Variants in ZSWIM9 observed in about 807,000 individuals in gnomAD.
ZSWIM9 encodes uncharacterized protein ZSWIM9.
ZSWIM9 carries 11 observed loss-of-function variants against 25.0 expected under a neutral mutation model. The observed-to-expected ratio is 0.44, with a 90% CI of 0.28 to 0.73. The LOEUF is 0.73. Ranked by LOEUF, ZSWIM9 falls within the 30% of genes least tolerant of loss-of-function variation. The pLI, the probability that ZSWIM9 is intolerant of heterozygous loss-of-function variation, is 0.16. For synonymous variants in ZSWIM9, 562 were observed against 582.1 expected (o/e 0.97, Z 0.50); for missense variants, 1,070 against 1,296.5 (o/e 0.83, Z 2.68).
intron 1 of ZSWIM9, 68 bp downstream of exon 1, chr19:48,170,782 G>C (rs959423722): frequency 1.3e-4 from 21 of 161,118 alleles, no homozygotes; most frequent in Middle Eastern, 3.0e-3. Flanking sequence ...GTGGGACGGC[G>C]GGGCTGGAAG....
chr19:48,176,574 C>T (rs755714272), intron 2 of ZSWIM9, among the ~76,000 whole-genome samples: 5 of 152,028 alleles, frequency 3.3e-5, no homozygotes, highest in Non-Finnish European at 7.4e-5. Context: ...TCTCTCCTTC[C>T]CTCATCTTTA....
At chr19:48,174,737 C>T (rs10411910) in intron 2 of ZSWIM9, 25,401 of 152,128 alleles carry the variant, frequency 0.17, 2,514 homozygotes, top group African/African-American at 0.28. Flanking sequence ...ATCAAACACA[C>T]ACATCACCCA....
At position 48,196,284 on chromosome 19, in the gene ZSWIM9, C is replaced by T; in HGVS notation, c.2220C>T (p.Gly740=). Residue 740 remains glycine (G), a synonymous_variant, in exon 4 of 4, where the codon GGC becomes GGT. Transcript: ENST00000614654. ...ATGGAGGGGGAGCCCGGTCCGTGGG[C>T]CCCAAGAGCCGAGCCGGACGAGGGA... ...NGDGGGARSV[G]PKSRAGRGME... 1 of 1,233,642 alleles carries T rather than the reference C, an allele frequency of 8.1e-7. No homozygotes were observed. The highest frequency in any genetic ancestry group is 1.0e-6 in the Non-Finnish European group (1 of 989,134). The allele number at this position is 1,233,642 out of a possible 1,614,324, so 76.4% of individuals were successfully genotyped here.
At chr19:48,186,756 C>G (rs2037016361) in intron 3 of ZSWIM9, 1 of 154,934 alleles carries the variant, frequency 6.5e-6, no homozygotes, top group South Asian at 2.0e-4. Flanking sequence ...AGGCTGCCAG[C>G]TTCTGGGAGC....
In ZSWIM9 at chr19:48,196,473, C is replaced by T; in HGVS notation, c.2409C>T (p.Pro803=). The T allele has an allele frequency of 8.1e-7, 1 of 1,232,788 alleles. No homozygotes were observed. Among genetic ancestry groups the T allele is most frequent in the Non-Finnish European group, 1.0e-6 (1 of 988,558 alleles). The allele number at this position is 1,232,788 out of a possible 1,614,324, so 76.4% of individuals were successfully genotyped here. Residue 803 remains proline, a synonymous_variant, in exon 4 of 4, where the codon CCC becomes CCT. Transcript: ENST00000614654. ...TGCAGGAAGGAGGCGAAGATGGCCC[C>T]AGGGAACCAAAGAGGCTTTGCCGAC... ...DGLQEGGEDG[P]REPKRLCRPP... is the part of the protein sequence containing the mutation.
At chr19:48,184,323 G>A (rs1314484203) in intron 3 of ZSWIM9, among the ~76,000 whole-genome samples, 3 of 152,184 alleles carry the variant, frequency 2.0e-5, no homozygotes, top group African/African-American at 4.8e-5. Context: ...GAGCAAGCTT[G>A]TGTTGGAGGA....
chr19:48,183,288 G>A (rs898497505), intron 3 of ZSWIM9, among the ~76,000 whole-genome samples: 12 of 151,530 alleles, frequency 7.9e-5, no homozygotes, highest in African/African-American at 2.4e-4. Flanking sequence ...CCACCACGCC[G>A]GCTAATTTTT....
chr19:48,185,378 C>A (rs1357804583), intron 3 of ZSWIM9, among the ~76,000 whole-genome samples: 1 of 152,072 alleles, frequency 6.6e-6, no homozygotes, highest in Non-Finnish European at 1.5e-5. Context: ...CAGGTGATCC[C>A]CCCGCCTTGG....
chr19:48,175,390 G>T (rs527731815), intron 2 of ZSWIM9, among the ~76,000 whole-genome samples: 7 of 152,226 alleles, frequency 4.6e-5, no homozygotes, highest in Admixed American at 2.0e-4. Context: ...TCACTCTCTC[G>T]AGCTGCTCAA....
Position 48,195,759 on chromosome 19 carries a change from G to A in ZSWIM9, c.1695G>A (p.Glu565=). 5.4e-6 allele frequency: 8 copies of A among 1,489,670 alleles called. No homozygotes were observed. The highest frequency in any genetic ancestry group is 7.1e-6 in the Non-Finnish European group (8 of 1,127,574). The allele number at this position is 1,489,670 out of a possible 1,614,324, so 92.3% of individuals were successfully genotyped here. A position where few individuals can be genotyped will look rare whatever the true frequency, so the allele number is the denominator to read the frequency against. Residue 565 remains glutamate, a synonymous_variant, in exon 4 of 4, where the codon GAG becomes GAA. Transcript: ENST00000614654. This position sits in a 1 kb window ranked among gnomAD's most constrained non-coding sequence, Gnocchi z 5.8. The stretch of plus-strand genomic sequence containing the variant: ...GAGACTGGAGGGGGCCCCAGTTGGA[G>A]GGTGAGAAAGATTGGGGACTGGAAG... ...EIRDWRGPQL[E]GEKDWGLEGY...
chr19:48,179,646 C>G (rs2036927705), intron 2 of ZSWIM9, among the ~76,000 whole-genome samples: 1 of 152,114 alleles, frequency 6.6e-6, no homozygotes, highest in African/African-American at 2.4e-5. Flanking sequence ...TCATTCGTAA[C>G]AGAGGAGAAC....
intron 3 of ZSWIM9, among the ~76,000 whole-genome samples, chr19:48,187,939 AATAGATAGATAGATAGATAGATAGATAG>A (rs58658973): frequency 1.4e-5 from 2 of 140,168 alleles, no homozygotes; most frequent in Admixed American, 7.4e-5. Context: ...AGACCCTTTA[AATAGATAGATAGATAGATAGATAGATAG>A]ATAGATAGAT....
Position 48,195,390 on chromosome 19 carries a change from G to C in ZSWIM9, c.1326G>C (p.Ala442=). The C allele has an allele frequency of 1.3e-6, 2 of 1,481,530 alleles. No homozygotes were observed. The highest frequency in any genetic ancestry group is 1.8e-6 in the Non-Finnish European group (2 of 1,126,010). 91.8% of individuals were successfully genotyped at this position (1,481,530 alleles called of 1,614,324 possible). Residue 442 remains alanine (A), a synonymous_variant, in exon 4 of 4, where the codon GCG becomes GCC. Coordinates refer to ENST00000614654, the MANE Select transcript of ZSWIM9 (RefSeq NM_199341.4). This position sits in a 1 kb window ranked among gnomAD's most constrained non-coding sequence, Gnocchi z 5.8. ...AMQWADAAGE[A]VPEGPDGGGP... is the part of the protein sequence containing the mutation. ...AGTGGGCCGACGCGGCCGGGGAGGC[G>C]GTGCCCGAGGGGCCCGATGGCGGGG...
chr19:48,177,327 A>AT (rs2036903745), intron 2 of ZSWIM9, among the ~76,000 whole-genome samples: 2 of 152,312 alleles, frequency 1.3e-5, no homozygotes, highest in African/African-American at 4.8e-5. Flanking sequence ...TGGAGACCAT[A>AT]TCCCAGAGTA....
chr19:48,180,347 G>T (rs7251332), intron 2 of ZSWIM9, among the ~76,000 whole-genome samples: 1 of 147,396 alleles, frequency 6.8e-6, no homozygotes, highest in East Asian at 2.0e-4. Context: ...TTTTTGAGAG[G>T]TAGGGGTCTC....
chr19:48,188,053 C>T (rs1037585724), intron 3 of ZSWIM9, among the ~76,000 whole-genome samples: 4 of 151,932 alleles, frequency 2.6e-5, no homozygotes, highest in Non-Finnish European at 5.9e-5. Context: ...AGTCTTTCCA[C>T]TTCCCAGCAG....
intron 2 of ZSWIM9, chr19:48,174,627 C>T (rs1457765098): frequency 3.9e-5 from 6 of 152,170 alleles, no homozygotes; most frequent in Admixed American, 2.0e-4. Flanking sequence ...GCTCTTTCAC[C>T]GGTAGTTATT....
intron 2 of ZSWIM9, among the ~76,000 whole-genome samples, chr19:48,175,422 C>T (rs1379460840): frequency 6.6e-6 from 1 of 152,128 alleles, no homozygotes; most frequent in Non-Finnish European, 1.5e-5. Context: ...TCCAGTGCCA[C>T]AGCCCAGGGA....
Position 48,194,650 on chromosome 19 carries a change from C to T in ZSWIM9, c.589-3C>T. On this transcript the variant is annotated splice_region_variant and splice_polypyrimidine_tract_variant and intron_variant, in intron 3 of 3. Coordinates refer to ENST00000614654, the MANE Select transcript of ZSWIM9 (RefSeq NM_199341.4). The surrounding 1 kb of genome is among the most constrained non-coding windows in gnomAD (Gnocchi z 6.0). ...TTCCTTGCCTCCCTGCCCCCGCCCG[C>T]AGGTGAAGCTGGTGTTCGTGGAGGA... The T allele has an allele frequency of 7.0e-7, 1 of 1,436,106 alleles. No individual in the cohort carries two copies. The highest frequency in any genetic ancestry group is 2.9e-5 in the East Asian group (1 of 34,740). 89.0% of individuals were successfully genotyped at this position (1,436,106 alleles called of 1,614,324 possible). A position where few individuals can be genotyped will look rare whatever the true frequency, so the allele number is the denominator to read the frequency against.
Sources: gnomAD v4.1 joint callset for allele counts (sites outside exome capture counted in the v4.1 genomes callset) on GRCh38, gnomAD v4.1.1 for gene constraint, Gnocchi (gnomAD v3.1) non-coding constraint, MANE v1.5 for transcripts, NCBI Gene and HGNC (gene_info 2026-07-23, HGNC 2026-07-21) for gene names.